Variants in CEP104 observed in about 807,000 individuals in gnomAD.
CEP104 encodes centrosomal protein 104.
CEP104 carries 84 observed loss-of-function variants against 113.3 expected under a neutral mutation model. The observed-to-expected ratio is 0.74, with a 90% CI of 0.62 to 0.89. The LOEUF (loss-of-function observed/expected upper bound fraction) is 0.89, where lower values mean the gene tolerates loss of function less well. Ranked by LOEUF, CEP104 falls within the 40% of genes least tolerant of loss-of-function variation. The pLI is 0.00. For missense variants in CEP104, 1,053 were observed against 1,156.6 expected, an observed-to-expected ratio of 0.91 and a Z score of 1.30; for synonymous variants, 378 against 421.7, an observed-to-expected ratio of 0.90 and a Z score of 1.27.
rs369593331 is a variant in CEP104 at position 3,847,455 on chromosome 1, C to T, written c.426+20G>A. The T allele has an allele frequency of 3.7e-5, 57 of 1,555,066 alleles. No individual in the cohort carries two copies. Among genetic ancestry groups the T allele is most frequent in the African/African-American group, 2.3e-4 (17 of 72,642 alleles). ...AAGAAGGTAGGGGCAGAATCAAAGG[C>T]GAAGCTGCATGCATCTTACCTGATT... On this transcript the variant is annotated intron_variant, in intron 4 of 21. Transcript: ENST00000378230.
At chr1:3,842,080 T>C (rs1471825814) in intron 6 of CEP104, among the ~76,000 whole-genome samples, 3 of 144,784 alleles carry the variant, frequency 2.1e-5, no homozygotes, top group African/African-American at 7.4e-5. Context: ...GAGAAGCTGG[T>C]GTTATTTTTT....
At chr1:3,844,631 G>GCC (rs1644472596) in intron 6 of CEP104, among the ~76,000 whole-genome samples, 2 of 142,860 alleles carry the variant, frequency 1.4e-5, no homozygotes, top group South Asian at 4.4e-4. Flanking sequence ...TCAGGAGGTA[G>GCC]AAGTTATAGT....
At chr1:3,828,493 G>A (rs1406868629) in intron 15 of CEP104, among the ~76,000 whole-genome samples, 1 of 152,020 alleles carries the variant, frequency 6.6e-6, no homozygotes, top group Non-Finnish European at 1.5e-5. Flanking sequence ...TTCCCCATTC[G>A]TACCCATTTC....
chr1:3,848,390 G>A (rs1156269186), intron 3 of CEP104, among the ~76,000 whole-genome samples: 1 of 151,862 alleles, frequency 6.6e-6, no homozygotes, highest in Non-Finnish European at 1.5e-5. Flanking sequence ...AAATTAGCCG[G>A]GCGTGATGGC....
chr1:3,825,666 A>G (rs139105682), intron 18 of CEP104, 92 bp downstream of exon 18: 2 of 818,390 alleles, frequency 2.4e-6, no homozygotes, highest in African/African-American at 1.7e-5. Flanking sequence ...CTCTGAAAAT[A>G]CTAAGACTTG....
Position 3,825,776 on chromosome 1 carries a change from T to A in CEP104, c.2346A>T (p.Arg782Ser). Reference sequence around the variant, plus strand: ...GCCTGACCTGTTTGCAGTGGTCACATCTTGTCAGCATGAGACAGTGCTTCC... The same window carrying A: ...GCCTGACCTGTTTGCAGTGGTCACAACTTGTCAGCATGAGACAGTGCTTCC... ...HYWKHCLMLT[R>S]CDHCKQVVEI... Residue 782 changes from arginine to serine, a missense_variant, in exon 18 of 22, where the codon AGA (arginine) becomes AGT (serine). Physicochemically the swap from Arg to Ser is moderately radical, Grantham distance 110. Transcript: ENST00000378230. The A allele has an allele frequency of 6.2e-7, 1 of 1,613,262 alleles. No homozygotes were observed.
At chr1:3,843,855 G>C (rs902491619) in intron 6 of CEP104, among the ~76,000 whole-genome samples, 1 of 151,708 alleles carries the variant, frequency 6.6e-6, no homozygotes, top group African/African-American at 2.4e-5. Flanking sequence ...TTCACCTCCC[G>C]GATTCAAGTC....
chr1:3,831,766 GA>G (rs1644212996), intron 12 of CEP104, among the ~76,000 whole-genome samples: 1 of 152,098 alleles, frequency 6.6e-6, no homozygotes, highest in South Asian at 2.1e-4. Flanking sequence ...CGGATATAGA[GA>G]AAAAAATAAG....
chr1:3,813,296 G>A lies in CEP104; in HGVS notation c.*2106C>T, dbSNP rs1208387709. 1.3e-5 allele frequency: 2 copies of A among 150,906 alleles called. No individual in the cohort carries two copies. Among genetic ancestry groups the A allele is most frequent in the Admixed American group, 1.3e-4 (2 of 15,200 alleles). 9.3% of individuals were successfully genotyped at this position (150,906 alleles called of 1,614,324 possible). Reference sequence around the variant, plus strand: ...GACGGAGTCTCGCTCTGTCGCCTGGGCTGGAGTGCAATGGCATGATGTGGG... The same window carrying A: ...GACGGAGTCTCGCTCTGTCGCCTGGACTGGAGTGCAATGGCATGATGTGGG... On this transcript the variant is annotated 3_prime_UTR_variant, in exon 22 of 22. Transcript: ENST00000378230.
At chr1:3,853,180 G>A (rs1008781452) in intron 1 of CEP104, among the ~76,000 whole-genome samples, 1 of 152,166 alleles carries the variant, frequency 6.6e-6, no homozygotes, top group South Asian at 2.1e-4. Flanking sequence ...CAACGTAAGC[G>A]CTAGCATTAA....
chr1:3,829,134 T>TA, intron 15 of CEP104, 132 bp downstream of exon 15: 1 of 654,590 alleles, frequency 1.5e-6, no homozygotes, highest in Non-Finnish European at 2.4e-6. Context: ...AAAACTAACC[T>TA]AAAAAACCAA....
intron 2 of CEP104, among the ~76,000 whole-genome samples, chr1:3,850,663 G>A (rs1644593414): frequency 6.6e-6 from 1 of 152,122 alleles, no homozygotes; most frequent in African/African-American, 2.4e-5. Flanking sequence ...TCGGCTTCAG[G>A]GTATCCTCCT....
At chr1:3,826,539 G>A in intron 16 of CEP104, 103 bp from the exon 17 acceptor site, 1 of 1,337,826 alleles carries the variant, frequency 7.5e-7, no homozygotes, top group Non-Finnish European at 1.1e-6. Flanking sequence ...CAAGTAAAAA[G>A]GTAGCATGTT....
rs369698892 is a variant in CEP104 at position 3,851,127 on chromosome 1, G to A, written c.113+1168C>T. Among the ~76,000 whole-genome samples, 195 of 152,158 alleles carry A rather than the reference G, an allele frequency of 1.3e-3. 3 individuals carry two copies. In the South Asian group the frequency reaches 0.027, roughly 21 times the overall value. On this transcript the variant is annotated intron_variant, in intron 2 of 21. Coordinates refer to ENST00000378230, the MANE Select transcript of CEP104 (RefSeq NM_014704.4). ...ATGCTGCCTGCATGGGCAGTGCATC[G>A]GCCACGGCCTGGGCAGTATCAGGAC...
chr1:3,827,047 G>A (rs967332644), intron 15 of CEP104, among the ~76,000 whole-genome samples: 1 of 152,086 alleles, frequency 6.6e-6, no homozygotes, highest in Admixed American at 6.5e-5. Context: ...AGCTACTCAG[G>A]AGGCTGGGGA....
chr1:3,816,212 G>A, intron 21 of CEP104, 68 bp downstream of exon 21: 1 of 1,363,022 alleles, frequency 7.3e-7, no homozygotes, highest in East Asian at 2.6e-5. Flanking sequence ...CCTGGACGGG[G>A]ATGCTTTTTT....
chr1:3,838,961 C>T lies in CEP104; in HGVS notation c.891+3G>A. ...TCCACTCCGTCTGGGCTCCTGCACC[C>T]ACCAGCTCGGCATCCAGGAGGCTGT... is the stretch of plus-strand genomic sequence containing the variant. On this transcript the variant is annotated splice_donor_region_variant and intron_variant, in intron 8 of 21. Transcript: ENST00000378230. 2 of 1,614,102 alleles carry T rather than the reference C, an allele frequency of 1.2e-6. No homozygotes were observed. The highest frequency in any genetic ancestry group is 8.5e-7 in the Non-Finnish European group (1 of 1,180,014).
At chr1:3,835,651 G>A (rs1006021532) in intron 10 of CEP104, among the ~76,000 whole-genome samples, 1 of 152,166 alleles carries the variant, frequency 6.6e-6, no homozygotes, top group Non-Finnish European at 1.5e-5. Flanking sequence ...GATTATAGGC[G>A]TGAGCCACTG....
At chr1:3,851,033 C>A (rs916654170) in intron 2 of CEP104, among the ~76,000 whole-genome samples, 1 of 152,186 alleles carries the variant, frequency 6.6e-6, no homozygotes, top group Middle Eastern at 3.2e-3. Context: ...GAGGAGAGGG[C>A]AGAGCGCTGG....
Sources: gnomAD v4.1 joint callset for allele counts (sites outside exome capture counted in the v4.1 genomes callset) on GRCh38, gnomAD v4.1.1 for gene constraint, MANE v1.5 for transcripts, NCBI Gene and HGNC (gene_info 2026-07-23, HGNC 2026-07-21) for gene names.